AXDND1: variants seen among roughly 807,000 people sequenced by gnomAD.
The protein encoded by AXDND1 is axonemal dynein light chain domain-containing protein 1.
A neutral mutation model predicts 137.5 loss-of-function variants in AXDND1; 110 were observed. The ratio of observed to expected loss-of-function variants is 0.80; its 90% confidence interval spans 0.69 to 0.94. The LOEUF is 0.94. Ranked by LOEUF, AXDND1 falls within the 40% of genes least tolerant of loss-of-function variation. The pLI is 0.00. For synonymous variants in AXDND1, 414 were observed against 399.7 expected, an observed-to-expected ratio of 1.04 and a Z score of -0.43; for missense variants, 1,191 against 1,169.8, an observed-to-expected ratio of 1.02 and a Z score of -0.26.
intron 15 of AXDND1, among the ~76,000 whole-genome samples, chr1:179,438,626 C>T (rs1658555030): frequency 6.6e-6 from 1 of 152,122 alleles, no homozygotes; most frequent in South Asian, 2.1e-4. Flanking sequence ...GGTGTGGCAG[C>T]CCAAGGCTCA....
At chr1:179,466,238 C>T (rs1032850162) in intron 16 of AXDND1, among the ~76,000 whole-genome samples, 5 of 151,612 alleles carry the variant, frequency 3.3e-5, no homozygotes, top group African/African-American at 1.2e-4. Flanking sequence ...TCCTATTCGG[C>T]CATCTTGGAA....
chr1:179,552,573 G>A, intron 25 of AXDND1: 2 of 1,585,020 alleles, frequency 1.3e-6, no homozygotes, highest in Non-Finnish European at 1.7e-6. Context: ...TTCCTAAAGG[G>A]CAGTCTGGGT....
In AXDND1 at chr1:179,447,452, C is replaced by A. The variant is rs78326417; in HGVS notation, c.1798+2248C>A. 2.6e-3 allele frequency: 1,095 copies of A among 421,086 alleles called. 21 individuals carry two copies. The highest frequency in any genetic ancestry group is 0.021 in the African/African-American group (1,042 of 49,654). 26.1% of individuals were successfully genotyped at this position (421,086 alleles called of 1,614,324 possible). A position where few individuals can be genotyped will look rare whatever the true frequency, so the allele number is the denominator to read the frequency against. ...TTTTGTGTATTTAAGATAGTGTTGT[C>A]CCTTCAAATACTAATTTTGAATGGA... On this transcript the variant is annotated intron_variant, in intron 16 of 25. Coordinates refer to ENST00000367618, the MANE Select transcript of AXDND1 (RefSeq NM_144696.6).
Position 179,383,629 on chromosome 1 carries a change from A to G in AXDND1, c.741+85A>G, listed in dbSNP as rs1462067421. On this transcript the variant is annotated intron_variant, in intron 8 of 25. Coordinates refer to ENST00000367618, the MANE Select transcript of AXDND1 (RefSeq NM_144696.6). ...CCTAGGTTAGAATTCTGACCCTGCC[A>G]TATATTTACTAATGGCCTTGGACAA... 3 of 971,132 alleles carry G rather than the reference A, an allele frequency of 3.1e-6. No homozygotes were observed. The Admixed American group carries it at 6.1e-5, about 20-fold the overall frequency. 60.2% of individuals were successfully genotyped at this position (971,132 alleles called of 1,614,324 possible). A position where few individuals can be genotyped will look rare whatever the true frequency, so the allele number is the denominator to read the frequency against.
At chr1:179,542,576 C>G (rs1482815911) in intron 25 of AXDND1, among the ~76,000 whole-genome samples, 1 of 152,110 alleles carries the variant, frequency 6.6e-6, no homozygotes, top group Admixed American at 6.5e-5. Context: ...TCTGAATGTA[C>G]TTTTATCCTG....
chr1:179,531,900 G>A (rs923653512), intron 23 of AXDND1, among the ~76,000 whole-genome samples: 3 of 152,196 alleles, frequency 2.0e-5, no homozygotes, highest in African/African-American at 7.2e-5. Flanking sequence ...TACAAGAGCC[G>A]CATGGTCCAT....
chr1:179,495,830 T>A (rs1004167418), intron 20 of AXDND1, among the ~76,000 whole-genome samples: 1 of 151,402 alleles, frequency 6.6e-6, no homozygotes, highest in South Asian at 2.1e-4. Flanking sequence ...TAGCTATAGG[T>A]TTTTTTTATA....
intron 12 of AXDND1, among the ~76,000 whole-genome samples, chr1:179,417,243 T>A (rs574003743): frequency 6.6e-6 from 1 of 152,154 alleles, no homozygotes; most frequent in African/African-American, 2.4e-5. Context: ...ATTCTGGTTG[T>A]AACTCCCTTA....
chr1:179,442,655 T>C (rs1487567284), intron 15 of AXDND1, among the ~76,000 whole-genome samples: 5 of 152,206 alleles, frequency 3.3e-5, no homozygotes, highest in Non-Finnish European at 5.9e-5. Flanking sequence ...CCATTACTTC[T>C]TTAAAGCACT....
intron 12 of AXDND1, among the ~76,000 whole-genome samples, chr1:179,418,142 C>T (rs200204317): frequency 0.33 from 49,655 of 150,968 alleles, 8,561 homozygotes; most frequent in Middle Eastern, 0.43. Flanking sequence ...TGCGGCCTTC[C>T]GCAGTGTTTG....
intron 12 of AXDND1, among the ~76,000 whole-genome samples, chr1:179,428,925 T>C (rs1656973810): frequency 6.6e-6 from 1 of 152,118 alleles, no homozygotes; most frequent in Non-Finnish European, 1.5e-5. Context: ...ACGCCTGTAA[T>C]CCCAGCACTT....
At position 179,483,232 on chromosome 1, in the gene AXDND1, G is replaced by A. The variant is rs1665639887; in HGVS notation, c.2091+11G>A. ...GAACTTCAGCACCACGTATGTACTTGTAAGGGTTTTTGACGTTATATTTTG... is the reference window on the plus strand; with the variant it reads ...GAACTTCAGCACCACGTATGTACTTATAAGGGTTTTTGACGTTATATTTTG... On this transcript the variant is annotated intron_variant, in intron 18 of 25. Transcript: ENST00000367618. The A allele has an allele frequency of 1.3e-6, 2 of 1,570,442 alleles. No individual in the cohort carries two copies. The highest frequency in any genetic ancestry group is 4.6e-5 in the East Asian group (2 of 43,492).
intron 16 of AXDND1, chr1:179,449,077 G>A (rs1257080813): frequency 6.8e-6 from 3 of 442,450 alleles, no homozygotes; most frequent in South Asian, 1.6e-5. Context: ...GTAGAGACAG[G>A]ATCTCACCGT....
At chr1:179,430,179 C>G (rs1369106432) in intron 13 of AXDND1, among the ~76,000 whole-genome samples, 2 of 151,906 alleles carry the variant, frequency 1.3e-5, no homozygotes, top group Non-Finnish European at 2.9e-5. Flanking sequence ...CCTGTTCTGT[C>G]TAGCACACCA....
chr1:179,425,815 A>G (rs970214232), intron 12 of AXDND1, among the ~76,000 whole-genome samples: 1 of 140,170 alleles, frequency 7.1e-6, no homozygotes, highest in Non-Finnish European at 1.6e-5. Context: ...TGTGTGTGTA[A>G]AGAGAGAAAT....
In AXDND1 at chr1:179,473,416, T is replaced by G. The variant is rs771476626; in HGVS notation, c.1997+4775T>G. On this transcript the variant is annotated intron_variant, in intron 17 of 25. Coordinates refer to ENST00000367618, the MANE Select transcript of AXDND1 (RefSeq NM_144696.6). ...GGGAGGCTGAGGCAGGAGAATTGCT[T>G]GAATCCAAGAGGTGGAGTTTGCAGT... Among the ~76,000 whole-genome samples, 57 of 152,000 alleles carry G rather than the reference T, an allele frequency of 3.8e-4. 1 individual carries two copies. The highest frequency in any genetic ancestry group is 7.2e-4 in the Non-Finnish European group (49 of 68,006).
intron 11 of AXDND1, among the ~76,000 whole-genome samples, chr1:179,410,657 A>G (rs189497887): frequency 6.6e-6 from 1 of 152,326 alleles, no homozygotes; most frequent in East Asian, 1.9e-4. Flanking sequence ...TTAAGGGACA[A>G]TTTTCTTTAA....
In AXDND1 at chr1:179,551,551, A is replaced by C; in HGVS notation, c.3032-2961A>C. ...AGCAGACAAGCACTGAGCATCTACTATGTGGCAAGCACGGTTAAGCATAGA... is the reference window on the plus strand; with the variant it reads ...AGCAGACAAGCACTGAGCATCTACTCTGTGGCAAGCACGGTTAAGCATAGA... On this transcript the variant is annotated intron_variant, in intron 25 of 25. Coordinates refer to ENST00000367618, the MANE Select transcript of AXDND1 (RefSeq NM_144696.6). 3.6e-6 allele frequency: 5 copies of C among 1,376,080 alleles called. No individual in the cohort carries two copies. In the South Asian group the frequency reaches 6.0e-5, roughly 16 times the overall value. The allele number at this position is 1,376,080 out of a possible 1,614,324, so 85.2% of individuals were successfully genotyped here.
At chr1:179,548,188 C>G (rs1372169485) in intron 25 of AXDND1, among the ~76,000 whole-genome samples, 1 of 152,160 alleles carries the variant, frequency 6.6e-6, no homozygotes, top group Admixed American at 6.5e-5. Flanking sequence ...CCAGCAGGCT[C>G]TTATTTGGAT....
Sources: allele counts gnomAD v4.1 joint callset (sites outside exome capture counted in the v4.1 genomes callset), GRCh38; gene constraint gnomAD v4.1.1; transcripts MANE v1.5; gene names NCBI Gene and HGNC (gene_info 2026-07-23, HGNC 2026-07-21).